The following TG variants were observed in gnomAD, a reference collection of about 807,000 sequenced individuals.
TG encodes thyroid hormones.
A neutral mutation model predicts 324.7 loss-of-function variants in TG; 270 were observed. The observed-to-expected ratio is 0.83, with a 90% CI of 0.75 to 0.92. TG has a LOEUF of 0.92. TG is among the 40% of genes least tolerant of loss of function. The probability of loss-of-function intolerance (pLI) is 0.00; values close to 1 mark genes in which losing one functional copy is unlikely to be tolerated. For missense variants in TG, 3,591 were observed against 3,456.4 expected (o/e 1.04, Z -0.98); for synonymous variants, 1,401 against 1,327.0 (o/e 1.06, Z -1.21).
Position 133,019,675 on chromosome 8 carries a change from G to T in TG, c.6856G>T (p.Val2286Leu). ...GVSEDCLYLN[V>L]FIPQNVAPNA... ...CAGTGAAGATTGTTTGTATCTCAAT[G>T]TGTTCATCCCTCAGAATGTGGTGAG... is the stretch of plus-strand genomic sequence containing the variant. The change falls in exon 39 of 48, where the codon GTG (valine) becomes TTG (leucine). Residue 2286 changes from valine to leucine, a missense_variant. Coordinates refer to ENST00000220616, the MANE Select transcript of TG (RefSeq NM_003235.5). 6.2e-7 allele frequency: 1 copy of T among 1,613,396 alleles called. No homozygotes were observed.
At chr8:132,908,115 A>G (rs1249585174) in intron 17 of TG, 71 bp from the exon 18 acceptor site, 219 of 1,578,220 alleles carry the variant, frequency 1.4e-4, no homozygotes, top group Non-Finnish European at 1.9e-4. Context: ...ATTTTTGCAG[A>G]GGAAATCCCA....
At chr8:132,878,800 C>G (rs981084164) in intron 5 of TG, among the ~76,000 whole-genome samples, 2 of 152,138 alleles carry the variant, frequency 1.3e-5, no homozygotes, top group Non-Finnish European at 2.9e-5. Context: ...AACGACCCTT[C>G]TAGATATGTT....
At chr8:132,935,581 C>G (rs1441552593) in intron 24 of TG, among the ~76,000 whole-genome samples, 175 bp from the exon 25 acceptor site, 1 of 152,190 alleles carries the variant, frequency 6.6e-6, no homozygotes. Context: ...ATCTTTGCAG[C>G]TAACACTCCT....
chr8:133,011,750 A>G, intron 35 of TG, 151 bp from the exon 36 acceptor site: 1 of 936,784 alleles, frequency 1.1e-6, no homozygotes, highest in South Asian at 1.3e-5. Context: ...GTAGAATGGA[A>G]AGATGGATCA....
At chr8:133,073,115 A>C (rs1271144179) in intron 41 of TG, 2 of 152,222 alleles carry the variant, frequency 1.3e-5, no homozygotes, top group Non-Finnish European at 2.9e-5. Flanking sequence ...TTACAAGGAA[A>C]ATACTCGAAG....
chr8:132,928,450 A>G (rs936970870), intron 22 of TG, among the ~76,000 whole-genome samples: 1 of 152,166 alleles, frequency 6.6e-6, no homozygotes, highest in African/African-American at 2.4e-5. Flanking sequence ...GTGAAGAAAA[A>G]GTTCCAACTC....
At chr8:133,040,876 G>A (rs539686772) in intron 41 of TG, among the ~76,000 whole-genome samples, 1 of 152,310 alleles carries the variant, frequency 6.6e-6, no homozygotes, top group Non-Finnish European at 1.5e-5. Context: ...CACTCTAGAA[G>A]CTCACGCACA....
intron 32 of TG, 81 bp downstream of exon 32, chr8:132,969,650 C>A: frequency 9.1e-7 from 1 of 1,102,168 alleles, no homozygotes; most frequent in Non-Finnish European, 1.4e-6. Flanking sequence ...CAGCTAAAAA[C>A]AGAAGCATAC....
At chr8:132,882,045 TG>T in intron 6 of TG, 76 bp downstream of exon 6, 3 of 1,104,906 alleles carry the variant, frequency 2.7e-6, no homozygotes, top group South Asian at 1.3e-5. Context: ...TAACATTGCT[TG>T]TAAAGCACAG....
At position 132,966,558 on chromosome 8, in the gene TG, A is replaced by G; in HGVS notation, c.5549-2A>G. On this transcript the variant is annotated splice_acceptor_variant, in intron 29 of 47. Transcript: ENST00000220616. LOFTEE classifies it high-confidence loss of function. ...GAAGTTGACTCCCTGCTTCTTTTTC[A>G]GGTTTGACAACAGAACTTTTCTCCC... 6.2e-7 allele frequency: 1 copy of G among 1,613,872 alleles called. No individual in the cohort carries two copies. The highest frequency in any genetic ancestry group is 8.5e-7 in the Non-Finnish European group (1 of 1,179,966).
At position 132,966,599 on chromosome 8, in the gene TG, A is replaced by C. The variant is rs1457810288; in HGVS notation, c.5588A>C (p.Gln1863Pro). ...CTTTTCTCCCCTGTGGACCTCAACC[A>C]GGTCATTGTCAATGGAAATCAATCA... ...TELFSPVDLN[Q>P]VIVNGNQSLS... The change falls in exon 30 of 48, where the codon CAG (glutamine) becomes CCG (proline). Residue 1863 changes from glutamine to proline, a missense_variant. Gln to Pro is a moderately conservative substitution (Grantham distance 76). Transcript: ENST00000220616. 6.2e-7 allele frequency: 1 copy of C among 1,614,004 alleles called. No homozygotes were observed. Among genetic ancestry groups the C allele is most frequent in the African/African-American group, 1.3e-5 (1 of 74,906 alleles).
chr8:133,001,229 G>A (rs1041872664), intron 35 of TG, among the ~76,000 whole-genome samples: 5 of 152,128 alleles, frequency 3.3e-5, no homozygotes, highest in African/African-American at 1.2e-4. Context: ...ATTTTGGGGG[G>A]GACACAGTTC....
intron 18 of TG, among the ~76,000 whole-genome samples, chr8:132,909,972 T>A (rs910306719): frequency 1.4e-4 from 21 of 152,176 alleles, no homozygotes; most frequent in African/African-American, 5.1e-4. Context: ...GTTTTGGAGA[T>A]TAAACTAGCT....
chr8:133,008,113 A>G (rs1195747609), intron 35 of TG, among the ~76,000 whole-genome samples: 3 of 152,274 alleles, frequency 2.0e-5, no homozygotes, highest in African/African-American at 7.2e-5. Context: ...TAAGTTTAAT[A>G]TTAAATAACA....
intron 22 of TG, among the ~76,000 whole-genome samples, chr8:132,928,074 C>G (rs992450454): frequency 6.6e-6 from 1 of 152,118 alleles, no homozygotes; most frequent in Admixed American, 6.5e-5. Flanking sequence ...CCTGGCCGAG[C>G]ATGTCATTAA....
At chr8:132,963,174 C>A in intron 29 of TG, 100 bp downstream of exon 29, 1 of 1,083,072 alleles carries the variant, frequency 9.2e-7, no homozygotes, top group Non-Finnish European at 1.4e-6. Flanking sequence ...ATTGACATCA[C>A]TCTATTCTGT....
intron 35 of TG, chr8:132,995,462 C>T (rs774282828): frequency 4.1e-5 from 40 of 985,202 alleles, no homozygotes; most frequent in Non-Finnish European, 4.8e-5. Flanking sequence ...TTCACCCATA[C>T]CCTTGTTCAG....
chr8:133,016,189 A>G (rs1188558072), intron 37 of TG, among the ~76,000 whole-genome samples: 1 of 152,136 alleles, frequency 6.6e-6, no homozygotes, highest in African/African-American at 2.4e-5. Context: ...TCCTTAACCA[A>G]TTCACCATGG....
chr8:133,119,576 C>A (rs1478690698), intron 45 of TG, among the ~76,000 whole-genome samples: 1 of 152,154 alleles, frequency 6.6e-6, no homozygotes, highest in African/African-American at 2.4e-5. Flanking sequence ...TCCCTAAGGC[C>A]TCTTTTATGA....
Sources: allele counts gnomAD v4.1 joint callset (sites outside exome capture counted in the v4.1 genomes callset), GRCh38; gene constraint gnomAD v4.1.1; transcripts MANE v1.5; gene names NCBI Gene and HGNC (gene_info 2026-07-23, HGNC 2026-07-21).